AP2B1: variants seen among roughly 807,000 people sequenced by gnomAD.
AP2B1 encodes the protein adaptor related protein complex 2 subunit beta 1, also known as AP-2 complex subunit beta.
A neutral mutation model predicts 102.0 loss-of-function variants in AP2B1; 23 were observed. That is an observed-to-expected ratio of 0.23 (90% CI 0.16 to 0.32). AP2B1 has a LOEUF of 0.32. Among genes scored for constraint, AP2B1 ranks in the 10% least tolerant of loss-of-function variants. The pLI is 1.00. For synonymous variants in AP2B1, 381 were observed against 421.2 expected (o/e 0.90, Z 1.17); for missense variants, 541 against 1,157.4 (o/e 0.47, Z 7.73).
chr17:35,628,956 T>G (rs573926357), intron 9 of AP2B1, among the ~76,000 whole-genome samples: 9 of 152,222 alleles, frequency 5.9e-5, no homozygotes, highest in African/African-American at 1.7e-4. Flanking sequence ...GGTTTTTTGT[T>G]TTGTTTTGAT....
At chr17:35,624,833 C>T (rs190948146) in intron 6 of AP2B1, among the ~76,000 whole-genome samples, 10 of 152,248 alleles carry the variant, frequency 6.6e-5, no homozygotes, top group East Asian at 3.9e-4. Flanking sequence ...TATCGTCTTA[C>T]GTCTCCCATG....
In AP2B1 at chr17:35,656,142, T is replaced by C. The variant is rs1043672067; in HGVS notation, c.1797-1457T>C. Among the ~76,000 whole-genome samples the C allele has an allele frequency of 7.7e-4, 118 of 152,342 alleles. 1 individual carries two copies. The highest frequency in any genetic ancestry group is 2.8e-3 in the African/African-American group (116 of 41,584). On this transcript the variant is annotated intron_variant, in intron 13 of 21. Transcript: ENST00000610402. ...TTTATTACTTTTTTTCTTTTGTGGCTACTGCTTTTTGTTGAAACCATTATC... is the reference window on the plus strand; with the variant it reads ...TTTATTACTTTTTTTCTTTTGTGGCCACTGCTTTTTGTTGAAACCATTATC...
chr17:35,606,701 G>C (rs528495666), intron 4 of AP2B1, among the ~76,000 whole-genome samples: 1 of 152,036 alleles, frequency 6.6e-6, no homozygotes, highest in Admixed American at 6.6e-5. Context: ...CCCCTCTCCT[G>C]CTGGATAATT....
At chr17:35,686,388 C>T (rs775183718) in intron 18 of AP2B1, among the ~76,000 whole-genome samples, 21 of 152,166 alleles carry the variant, frequency 1.4e-4, no homozygotes, top group Non-Finnish European at 1.6e-4. Flanking sequence ...TTTCTCATTT[C>T]GTGTGTTAGT....
chr17:35,685,080 T>C (rs918319297), intron 18 of AP2B1, among the ~76,000 whole-genome samples: 1 of 152,226 alleles, frequency 6.6e-6, no homozygotes. Flanking sequence ...CCTGATATTA[T>C]AAGAAGCAAA....
chr17:35,706,406 T>C (rs914547835), intron 18 of AP2B1, among the ~76,000 whole-genome samples: 14 of 152,220 alleles, frequency 9.2e-5, no homozygotes, highest in Non-Finnish European at 1.6e-4. Flanking sequence ...GGGAACTTTT[T>C]CCCAAATATT....
chr17:35,705,547 AGCCTTGCTCTGTT>A (rs2076324055), intron 18 of AP2B1, among the ~76,000 whole-genome samples: 1 of 151,884 alleles, frequency 6.6e-6, no homozygotes, highest in African/African-American at 2.4e-5. Flanking sequence ...TTTGAGATGG[AGCCTTGCTCTGTT>A]GCCCAGGCTG....
intron 18 of AP2B1, among the ~76,000 whole-genome samples, chr17:35,700,439 A>G (rs746405617): frequency 2.0e-5 from 3 of 152,104 alleles, no homozygotes; most frequent in African/African-American, 4.8e-5. Context: ...GAAGAGAAAT[A>G]AAAGAAAAAA....
At chr17:35,633,653 G>A (rs1321064775) in intron 9 of AP2B1, among the ~76,000 whole-genome samples, 3 of 151,978 alleles carry the variant, frequency 2.0e-5, no homozygotes, top group East Asian at 1.9e-4. Flanking sequence ...GGTGGGATGC[G>A]AATACAAATC....
At chr17:35,626,550 T>C in intron 6 of AP2B1, 71 bp from the exon 7 acceptor site, 1 of 1,286,288 alleles carries the variant, frequency 7.8e-7, no homozygotes. Context: ...GACTCTGACA[T>C]ATTACCTTAT....
At chr17:35,697,714 G>A (rs1035078365) in intron 18 of AP2B1, among the ~76,000 whole-genome samples, 1 of 152,242 alleles carries the variant, frequency 6.6e-6, no homozygotes. Context: ...TGTAATCCCA[G>A]CACTTTGGGA....
chr17:35,622,080 GATT>G (rs2142530034), intron 5 of AP2B1, among the ~76,000 whole-genome samples: 1 of 152,252 alleles, frequency 6.6e-6, no homozygotes, highest in East Asian at 1.9e-4. Context: ...ACATGGAAGG[GATT>G]ATTATTTCTC....
chr17:35,667,824 G>C (rs1387048788), intron 14 of AP2B1, among the ~76,000 whole-genome samples: 1 of 152,100 alleles, frequency 6.6e-6, no homozygotes, highest in African/African-American at 2.4e-5. Context: ...AGAATAAGTT[G>C]CGGTGAGAGG....
intron 20 of AP2B1, among the ~76,000 whole-genome samples, chr17:35,713,284 C>T (rs782589758): frequency 3.9e-5 from 6 of 152,228 alleles, no homozygotes; most frequent in Non-Finnish European, 7.3e-5. Context: ...TGCTCTGTGG[C>T]CATGCCGCAC....
chr17:35,600,770 A>G (rs912310879), intron 3 of AP2B1, among the ~76,000 whole-genome samples: 7 of 152,332 alleles, frequency 4.6e-5, no homozygotes, highest in Admixed American at 3.3e-4. Flanking sequence ...TAAAATATCA[A>G]TAGGTATATA....
intron 18 of AP2B1, among the ~76,000 whole-genome samples, chr17:35,707,961 C>T (rs782170284): frequency 1.2e-4 from 18 of 151,960 alleles, no homozygotes; most frequent in Admixed American, 3.3e-4. Context: ...GGAGAGAGAA[C>T]GCAAATATTA....
chr17:35,597,039 G>C (rs1360328844), intron 2 of AP2B1: 1 of 593,194 alleles, frequency 1.7e-6, no homozygotes, highest in African/African-American at 1.9e-5. Flanking sequence ...GCGAAGCCCC[G>C]TTGTGGGGGC....
chr17:35,620,509 C>T (rs1328770803), intron 5 of AP2B1, among the ~76,000 whole-genome samples: 5 of 152,090 alleles, frequency 3.3e-5, no homozygotes, highest in African/African-American at 1.2e-4. Flanking sequence ...TAAAGCGAAA[C>T]TTTCTCTAGA....
At chr17:35,605,539 C>T (rs964212670) in intron 3 of AP2B1, among the ~76,000 whole-genome samples, 166 bp from the exon 4 acceptor site, 19 of 152,212 alleles carry the variant, frequency 1.2e-4, no homozygotes, top group Admixed American at 9.2e-4. Context: ...CGTGAGCCAC[C>T]GTGCCCAGCC....
Sources: gnomAD v4.1 joint callset for allele counts (sites outside exome capture counted in the v4.1 genomes callset) on GRCh38, gnomAD v4.1.1 for gene constraint, MANE v1.5 for transcripts, NCBI Gene and HGNC (gene_info 2026-07-23, HGNC 2026-07-21) for gene names.